The following FAT4 variants were observed in gnomAD, a reference collection of about 807,000 sequenced individuals.
FAT4 encodes the protein FAT atypical cadherin 4, also known as protocadherin Fat 4.
Under a neutral mutation model 303.9 loss-of-function variants are expected in FAT4, and 84 were observed. That is an observed-to-expected ratio of 0.28 (90% CI 0.23 to 0.33). The LOEUF (loss-of-function observed/expected upper bound fraction) is 0.33, where lower values mean the gene tolerates loss of function less well. FAT4 is among the 10% of genes least tolerant of loss of function. The pLI is 1.00. For synonymous variants in FAT4, 2,307 were observed against 2,298.8 expected (o/e 1.00, Z -0.10); for missense variants, 6,005 against 6,146.8 (o/e 0.98, Z 0.77).
chr4:125,419,441 A>T (rs1735198668), intron 7 of FAT4, among the ~76,000 whole-genome samples: 3 of 152,088 alleles, frequency 2.0e-5, no homozygotes, highest in Non-Finnish European at 4.4e-5. Context: ...ACTTTTCTTT[A>T]CCTCCAAAAC....
At chr4:125,473,798 T>C (rs1726940443) in intron 12 of FAT4, among the ~76,000 whole-genome samples, 1 of 152,058 alleles carries the variant, frequency 6.6e-6, no homozygotes, top group Non-Finnish European at 1.5e-5. Context: ...GCAGTTTCAT[T>C]TGTATTATTG....
chr4:125,321,999 CATTGT>C (rs1730973962), intron 2 of FAT4, among the ~76,000 whole-genome samples: 1 of 152,144 alleles, frequency 6.6e-6, no homozygotes, highest in African/African-American at 2.4e-5. Context: ...TAGGAATCAG[CATTGT>C]ACCATAGCTC....
At chr4:125,334,266 T>C (rs1731490306) in intron 2 of FAT4, among the ~76,000 whole-genome samples, 2 of 152,120 alleles carry the variant, frequency 1.3e-5, no homozygotes, top group Non-Finnish European at 2.9e-5. Context: ...TTTTTTGTTA[T>C]GCAAATGCGG....
intron 10 of FAT4, among the ~76,000 whole-genome samples, chr4:125,462,480 T>A (rs1339653604): frequency 6.6e-6 from 1 of 151,998 alleles, no homozygotes; most frequent in Non-Finnish European, 1.5e-5. Flanking sequence ...CACTGCATTA[T>A]GAAATTTGAA....
At chr4:125,440,270 A>G (rs574645919) in intron 8 of FAT4, among the ~76,000 whole-genome samples, 74 of 152,016 alleles carry the variant, frequency 4.9e-4, no homozygotes, top group African/African-American at 1.7e-3. Context: ...CTGACCATTT[A>G]TTCCTGAAAA....
rs994869628 is a variant in FAT4 at position 125,458,677 on chromosome 4, T to G, written c.11801-4886T>G. On this transcript the variant is annotated intron_variant, in intron 10 of 17. Transcript: ENST00000394329. ...CTTAAATGCTTATTTCTGTAGAAAATAAGCATATATTTATAAGCTTATGAA... is the reference window on the plus strand; with the variant it reads ...CTTAAATGCTTATTTCTGTAGAAAAGAAGCATATATTTATAAGCTTATGAA... Among the ~76,000 whole-genome samples, 6 of 151,996 alleles carry G rather than the reference T, an allele frequency of 3.9e-5. No homozygotes were observed. The East Asian group carries it at 9.6e-4, about 24-fold the overall frequency.
chr4:125,344,542 T>A (rs1731924772), intron 2 of FAT4, among the ~76,000 whole-genome samples: 1 of 152,110 alleles, frequency 6.6e-6, no homozygotes, highest in Non-Finnish European at 1.5e-5. Flanking sequence ...TGATCTTAGA[T>A]TACCTGAATT....
intron 16 of FAT4, among the ~76,000 whole-genome samples, chr4:125,482,429 G>A (rs201626628): frequency 6.6e-6 from 1 of 151,986 alleles, no homozygotes; most frequent in Non-Finnish European, 1.5e-5. Context: ...AATTTCATTA[G>A]ATATCCATTT....
chr4:125,385,328 T>C (rs955460514), intron 2 of FAT4, among the ~76,000 whole-genome samples: 1 of 152,096 alleles, frequency 6.6e-6, no homozygotes, highest in Non-Finnish European at 1.5e-5. Flanking sequence ...CTGCCAATTT[T>C]AGAAACTTCT....
At chr4:125,354,642 G>A in intron 2 of FAT4, among the ~76,000 whole-genome samples, 1 of 150,308 alleles carries the variant, frequency 6.7e-6, no homozygotes, top group East Asian at 2.0e-4. Flanking sequence ...TGGTGAAGGT[G>A]AAAAATTAGT....
chr4:125,373,318 T>C (rs1220778048), intron 2 of FAT4, among the ~76,000 whole-genome samples: 1 of 152,130 alleles, frequency 6.6e-6, no homozygotes, highest in Non-Finnish European at 1.5e-5. Context: ...GAATATTCTT[T>C]CCTATACTTT....
Position 125,481,504 on chromosome 4 carries a change from T to A in FAT4, c.12605-17T>A. 2 of 1,612,226 alleles carry A rather than the reference T, an allele frequency of 1.2e-6. No individual in the cohort carries two copies. The highest frequency in any genetic ancestry group is 1.7e-6 in the Non-Finnish European group (2 of 1,178,724). ...AAATGAATGCATTCATTTTCCCTTT[T>A]TTCCTTTGACTTCCAGCTGTTACTC... is the stretch of plus-strand genomic sequence containing the variant. On this transcript the variant is annotated splice_polypyrimidine_tract_variant and intron_variant, in intron 15 of 17. Coordinates refer to ENST00000394329, the MANE Select transcript of FAT4 (RefSeq NM_001291303.3).
intron 2 of FAT4, among the ~76,000 whole-genome samples, chr4:125,343,668 C>G (rs1388450607): frequency 6.6e-6 from 1 of 151,924 alleles, no homozygotes; most frequent in African/African-American, 2.4e-5. Context: ...CATATTGACC[C>G]AGCTCTGAGA....
At chr4:125,416,386 C>T in intron 6 of FAT4, 62 bp from the exon 7 acceptor site, 1 of 1,353,638 alleles carries the variant, frequency 7.4e-7, no homozygotes, top group African/African-American at 1.5e-5. Context: ...TTAATGGAGG[C>T]ATTTTATTTC....
chr4:125,357,366 A>T (rs1048272339), intron 2 of FAT4, among the ~76,000 whole-genome samples: 4 of 152,146 alleles, frequency 2.6e-5, no homozygotes, highest in Non-Finnish European at 5.9e-5. Context: ...TTAAATTGAT[A>T]CAGATTCTTG....
chr4:125,334,747 A>G (rs1223741854), intron 2 of FAT4, among the ~76,000 whole-genome samples: 1 of 152,144 alleles, frequency 6.6e-6, no homozygotes, highest in Non-Finnish European at 1.5e-5. Flanking sequence ...ATTATATTAT[A>G]TGGTCATAGA....
rs1462603761 is a variant in FAT4, at chr4:125,468,683, A to G, written c.12077A>G (p.Glu4026Gly). 2 of 1,614,144 alleles carry G rather than the reference A, an allele frequency of 1.2e-6. No homozygotes were observed. The highest frequency in any genetic ancestry group is 1.7e-6 in the Non-Finnish European group (2 of 1,180,024). The change falls in exon 12 of 18, where the codon GAG becomes GGG. Residue 4026 changes from glutamate (E) to glycine (G), a missense_variant. Glu to Gly is a moderately conservative substitution (Grantham distance 98). Coordinates refer to ENST00000394329, the MANE Select transcript of FAT4 (RefSeq NM_001291303.3). ...GACAACCAGACAGGCGACCGGGCTG[A>G]GTTTTTGGCCCTTGAAATTGCCGAA... ...NYDNQTGDRA[E>G]FLALEIAEER...
intron 17 of FAT4, among the ~76,000 whole-genome samples, chr4:125,489,201 C>T (rs1727516326): frequency 6.6e-6 from 1 of 152,102 alleles, no homozygotes; most frequent in South Asian, 2.1e-4. Flanking sequence ...GATTGTTGGG[C>T]CCTGAGATAG....
chr4:125,471,584 T>A (rs1254310528), intron 12 of FAT4, among the ~76,000 whole-genome samples: 2 of 152,198 alleles, frequency 1.3e-5, no homozygotes, highest in Non-Finnish European at 2.9e-5. Context: ...TGAAAATATT[T>A]GACATAGTAT....
Sources: allele counts gnomAD v4.1 joint callset (sites outside exome capture counted in the v4.1 genomes callset), GRCh38; gene constraint gnomAD v4.1.1; transcripts MANE v1.5; gene names NCBI Gene and HGNC (gene_info 2026-07-23, HGNC 2026-07-21).